The following SLC24A3 variants were observed in gnomAD, a reference collection of about 807,000 sequenced individuals.
The protein encoded by SLC24A3 is solute carrier family 24 member 3.
A neutral mutation model predicts 75.8 loss-of-function variants in SLC24A3; 28 were observed. The ratio of observed to expected loss-of-function variants is 0.37; its 90% confidence interval spans 0.27 to 0.51. The LOEUF (loss-of-function observed/expected upper bound fraction) is 0.51. SLC24A3 is among the 20% of genes least tolerant of loss of function. The probability of loss-of-function intolerance (pLI) is 0.94; values close to 1 mark genes in which losing one functional copy is unlikely to be tolerated. For missense variants in SLC24A3, 663 were observed against 847.8 expected (o/e 0.78, Z 2.71); for synonymous variants, 372 against 334.1 (o/e 1.11, Z -1.24).
chr20:19,664,187 C>T (rs1172931072), intron 7 of SLC24A3, among the ~76,000 whole-genome samples: 2 of 152,182 alleles, frequency 1.3e-5, no homozygotes, highest in Non-Finnish European at 2.9e-5. Context: ...TGTTTTCTAT[C>T]TTAAATAATT....
intron 3 of SLC24A3, among the ~76,000 whole-genome samples, chr20:19,527,067 G>A (rs916890198): frequency 6.6e-6 from 1 of 151,840 alleles, no homozygotes; most frequent in South Asian, 2.1e-4. Flanking sequence ...CCCAGTTCCT[G>A]CCTAGGCCCC....
At chr20:19,565,584 A>G (rs1438433659) in intron 3 of SLC24A3, among the ~76,000 whole-genome samples, 1 of 151,616 alleles carries the variant, frequency 6.6e-6, no homozygotes, top group African/African-American at 2.4e-5. Flanking sequence ...CTTTGCCACT[A>G]CCTTATTGGT....
chr20:19,480,690 G>A (rs189224472), intron 2 of SLC24A3, among the ~76,000 whole-genome samples: 2 of 152,104 alleles, frequency 1.3e-5, no homozygotes, highest in East Asian at 3.9e-4. Flanking sequence ...ATGGTTGGGA[G>A]GGCAACTCTG....
intron 2 of SLC24A3, among the ~76,000 whole-genome samples, chr20:19,444,512 G>A (rs1987348250): frequency 6.6e-6 from 1 of 152,032 alleles, no homozygotes; most frequent in African/African-American, 2.4e-5. Flanking sequence ...AATGATGTAG[G>A]CTTATTCAGG....
At chr20:19,693,654 C>T (rs1408201069) in intron 13 of SLC24A3, 5 of 494,736 alleles carry the variant, frequency 1.0e-5, no homozygotes, top group Non-Finnish European at 1.7e-5. Flanking sequence ...ACCTGCTATG[C>T]AGCTCTGCTT....
intron 3 of SLC24A3, among the ~76,000 whole-genome samples, chr20:19,568,635 A>T (rs565389859): frequency 1.6e-3 from 238 of 152,298 alleles, no homozygotes; most frequent in Non-Finnish European, 2.6e-3. Context: ...TTTAATAAGG[A>T]CAGAGTTTCA....
chr20:19,488,682 T>C (rs1988163105), intron 2 of SLC24A3, among the ~76,000 whole-genome samples: 1 of 152,218 alleles, frequency 6.6e-6, no homozygotes, highest in Non-Finnish European at 1.5e-5. Context: ...GGACCAGAAG[T>C]GTTTCAGATT....
intron 2 of SLC24A3, among the ~76,000 whole-genome samples, chr20:19,505,795 G>A (rs115959345): frequency 0.018 from 2,767 of 152,252 alleles, 73 homozygotes; most frequent in African/African-American, 0.063. Context: ...GCAGTGCCTG[G>A]GCAGGGGAAC....
intron 7 of SLC24A3, among the ~76,000 whole-genome samples, chr20:19,660,982 A>G (rs2032320173): frequency 6.6e-6 from 1 of 152,156 alleles, no homozygotes; most frequent in African/African-American, 2.4e-5. Context: ...GACACTGGGT[A>G]AACTAGGAGG....
chr20:19,644,633 C>T (rs1282564920), intron 6 of SLC24A3, among the ~76,000 whole-genome samples: 1 of 150,030 alleles, frequency 6.7e-6, no homozygotes, highest in Non-Finnish European at 1.5e-5. Context: ...CCAAATTTCT[C>T]TCTATGATAA....
chr20:19,689,570 G>C (rs569329239), intron 12 of SLC24A3, among the ~76,000 whole-genome samples: 3 of 152,166 alleles, frequency 2.0e-5, no homozygotes, highest in African/African-American at 7.2e-5. Flanking sequence ...AAATGGCATA[G>C]AGGACATTCA....
chr20:19,566,136 A>G (rs1031677291), intron 3 of SLC24A3, among the ~76,000 whole-genome samples: 3 of 152,206 alleles, frequency 2.0e-5, no homozygotes, highest in African/African-American at 7.2e-5. Flanking sequence ...AGATCATTCA[A>G]GCAACAACCG....
chr20:19,294,613 A>G (rs1984018807), intron 2 of SLC24A3, among the ~76,000 whole-genome samples: 1 of 152,166 alleles, frequency 6.6e-6, no homozygotes, highest in South Asian at 2.1e-4. Context: ...AAAGGACACT[A>G]TCTCATTCCT....
At chr20:19,607,445 G>T (rs1262170688) in intron 6 of SLC24A3, among the ~76,000 whole-genome samples, 1 of 152,168 alleles carries the variant, frequency 6.6e-6, no homozygotes, top group Non-Finnish European at 1.5e-5. Flanking sequence ...ACAAATGGGT[G>T]CCAGATCTTT....
intron 2 of SLC24A3, among the ~76,000 whole-genome samples, chr20:19,302,697 C>T (rs6035282): frequency 0.051 from 7,755 of 152,182 alleles, 433 homozygotes; most frequent in African/African-American, 0.14. Flanking sequence ...CAAATTTAAG[C>T]AAATGTTGTT....
chr20:19,692,569 A>G (rs959102054), intron 12 of SLC24A3, among the ~76,000 whole-genome samples: 2 of 152,198 alleles, frequency 1.3e-5, no homozygotes, highest in South Asian at 2.1e-4. Flanking sequence ...AACAATATCT[A>G]TGGTGGTAGA....
intron 2 of SLC24A3, among the ~76,000 whole-genome samples, chr20:19,342,436 A>G (rs753288840): frequency 6.6e-6 from 1 of 152,256 alleles, no homozygotes; most frequent in Admixed American, 6.5e-5. Context: ...TGAGTTGGCC[A>G]TGTTAATCTT....
chr20:19,464,539 T>C (rs1055393944), intron 2 of SLC24A3, among the ~76,000 whole-genome samples: 2 of 152,248 alleles, frequency 1.3e-5, no homozygotes, highest in African/African-American at 4.8e-5. Context: ...CTGCTTTAGA[T>C]CACCAAACGG....
chr20:19,607,250 C>A (rs2031609038), intron 6 of SLC24A3, among the ~76,000 whole-genome samples: 1 of 152,140 alleles, frequency 6.6e-6, no homozygotes, highest in Non-Finnish European at 1.5e-5. Context: ...GGAATGCTTT[C>A]TTCCTCCTGA....
Sources: allele counts gnomAD v4.1 joint callset (sites outside exome capture counted in the v4.1 genomes callset), GRCh38; gene constraint gnomAD v4.1.1; transcripts MANE v1.5; gene names NCBI Gene and HGNC (gene_info 2026-07-23, HGNC 2026-07-21).